Variants in TRAPPC6B observed in about 807,000 individuals in gnomAD.
TRAPPC6B encodes the protein TRAPP complex subunit 6B.
A neutral mutation model predicts 24.7 loss-of-function variants in TRAPPC6B; 27 were observed. The ratio of observed to expected loss-of-function variants is 1.09; its 90% confidence interval spans 0.81 to 1.51. The LOEUF is 1.51. TRAPPC6B is among the 40% of genes most tolerant of loss of function. The pLI is 0.00. For missense variants in TRAPPC6B, 212 were observed against 190.8 expected (o/e 1.11, Z -0.66); for synonymous variants, 80 against 66.6 (o/e 1.20, Z -0.98).
intron 1 of TRAPPC6B, among the ~76,000 whole-genome samples, chr14:39,161,832 C>CT (rs938131309): frequency 2.0e-5 from 3 of 152,188 alleles, no homozygotes; most frequent in Non-Finnish European, 2.9e-5. Flanking sequence ...TCACCAACCT[C>CT]TAGAAAGGCA....
intron 4 of TRAPPC6B, among the ~76,000 whole-genome samples, chr14:39,152,351 C>A (rs566563185): frequency 3.3e-5 from 5 of 152,134 alleles, no homozygotes; most frequent in Admixed American, 6.6e-5. Context: ...TAGCTTGCCA[C>A]AACAAAGAAT....
At position 39,150,174 on chromosome 14, in the gene TRAPPC6B, G is replaced by A. The variant is rs1848347728; in HGVS notation, c.*176C>T. 1.8e-6 allele frequency: 1 copy of A among 568,694 alleles called. No individual in the cohort carries two copies. Among genetic ancestry groups the A allele is most frequent in the Non-Finnish European group, 3.0e-6 (1 of 335,302 alleles). 35.2% of individuals were successfully genotyped at this position (568,694 alleles called of 1,614,324 possible). On this transcript the variant is annotated 3_prime_UTR_variant, in exon 6 of 6. Coordinates refer to ENST00000330149, the MANE Select transcript of TRAPPC6B (RefSeq NM_001079537.2). ...TTTCATTTTGAATAGTTTTGGTTAA[G>A]TGTATGTCATGGCAGAATGTCCCTT...
chr14:39,164,233 C>T (rs891381875), intron 1 of TRAPPC6B, among the ~76,000 whole-genome samples: 5 of 152,080 alleles, frequency 3.3e-5, no homozygotes, highest in Non-Finnish European at 5.9e-5. Context: ...TGATGGCTCA[C>T]GCCTCCTAGC....
In TRAPPC6B at chr14:39,170,171, C is replaced by G. The variant is rs1466024495; in HGVS notation, c.-76G>C. On this transcript the variant is annotated 5_prime_UTR_variant, in exon 1 of 6. Transcript: ENST00000330149. ...CTGGGGGTTCCAGCTCGCGCCTCAG[C>G]GACTTCGCCGGCGCCGCGGCTCCGT... The G allele has an allele frequency of 3.5e-5, 51 of 1,474,610 alleles. No individual in the cohort carries two copies. Among genetic ancestry groups the G allele is most frequent in the East Asian group, 2.3e-5 (1 of 44,052 alleles). The allele number at this position is 1,474,610 out of a possible 1,614,324, so 91.3% of individuals were successfully genotyped here.
At chr14:39,156,096 T>G (rs767595378) in intron 3 of TRAPPC6B, among the ~76,000 whole-genome samples, 38 of 152,290 alleles carry the variant, frequency 2.5e-4, no homozygotes, top group Non-Finnish European at 4.6e-4. Context: ...TCCAGCCAGC[T>G]GATATATATT....
intron 3 of TRAPPC6B, among the ~76,000 whole-genome samples, 194 bp from the exon 4 acceptor site, chr14:39,154,488 C>T (rs929562194): frequency 5.3e-5 from 8 of 152,146 alleles, no homozygotes; most frequent in African/African-American, 9.7e-5. Flanking sequence ...GGCACAATTA[C>T]GCCTCACTGC....
intron 1 of TRAPPC6B, among the ~76,000 whole-genome samples, chr14:39,161,470 T>C (rs2053058143): frequency 6.6e-6 from 1 of 152,240 alleles, no homozygotes; most frequent in Non-Finnish European, 1.5e-5. Context: ...ACAGTCACTT[T>C]TCACATTCAT....
intron 1 of TRAPPC6B, among the ~76,000 whole-genome samples, chr14:39,168,951 T>G (rs1463149673): frequency 6.6e-6 from 1 of 152,226 alleles, no homozygotes; most frequent in Non-Finnish European, 1.5e-5. Context: ...ATCCGAATTC[T>G]TTAATTACAC....
At chr14:39,151,394 A>AAC (rs1697257284) in intron 5 of TRAPPC6B, among the ~76,000 whole-genome samples, 1 of 145,178 alleles carries the variant, frequency 6.9e-6, no homozygotes, top group African/African-American at 2.8e-5. Context: ...CGTCTCAAAA[A>AAC]AAAAAAAAAA....
chr14:39,153,447 G>A (rs542250656), intron 4 of TRAPPC6B, among the ~76,000 whole-genome samples: 184 of 151,010 alleles, frequency 1.2e-3, no homozygotes, highest in African/African-American at 4.2e-3. Context: ...GGGCAACATC[G>A]TGGGATCCCA....
At chr14:39,160,191 T>C (rs999320154) in intron 1 of TRAPPC6B, among the ~76,000 whole-genome samples, 12 of 152,110 alleles carry the variant, frequency 7.9e-5, no homozygotes, top group African/African-American at 2.7e-4. Flanking sequence ...CCCAGGATAG[T>C]AACCAGATGT....
intron 3 of TRAPPC6B, among the ~76,000 whole-genome samples, chr14:39,156,183 T>C (rs2052976507): frequency 6.6e-6 from 1 of 152,112 alleles, no homozygotes; most frequent in Non-Finnish European, 1.5e-5. Context: ...CAAGCTAAAG[T>C]TGGTACAAAA....
At chr14:39,158,800 C>T (rs1003000305) in intron 2 of TRAPPC6B, 1 of 157,880 alleles carries the variant, frequency 6.3e-6, no homozygotes, top group African/African-American at 2.4e-5. Context: ...GGATTACAGG[C>T]ATGAGCCACC....
At chr14:39,168,042 C>A (rs1284721332) in intron 1 of TRAPPC6B, among the ~76,000 whole-genome samples, 1 of 151,912 alleles carries the variant, frequency 6.6e-6, no homozygotes, top group African/African-American at 2.4e-5. Context: ...GGTGAAACTC[C>A]GTCTCTACTA....
rs2053156630 is a variant in TRAPPC6B, at chr14:39,170,331, T to A, written c.-236A>T. 7.5e-6 allele frequency: 4 copies of A among 532,964 alleles called. No homozygotes were observed. In the South Asian group the frequency reaches 9.7e-5, roughly 13 times the overall value. 33.0% of individuals were successfully genotyped at this position (532,964 alleles called of 1,614,324 possible). ...ACCAAATCCTAGGGCCGAACTAAAG[T>A]CTGACGGGAGCTCTAACCAAAGCCA... is the stretch of plus-strand genomic sequence containing the variant. On this transcript the variant is annotated 5_prime_UTR_variant, in exon 1 of 6. Transcript: ENST00000330149.
intron 3 of TRAPPC6B, among the ~76,000 whole-genome samples, chr14:39,155,671 G>A (rs562918653): frequency 9.5e-4 from 145 of 152,074 alleles, no homozygotes; most frequent in African/African-American, 3.0e-3. Flanking sequence ...TGAGTGGCTG[G>A]GACTATAAGC....
At position 39,162,343 on chromosome 14, in the gene TRAPPC6B, G is replaced by T. The variant is rs183404135; in HGVS notation, c.82-2793C>A. On this transcript the variant is annotated intron_variant, in intron 1 of 5. Transcript: ENST00000330149. ...CTGGCTATTTTTTTTTTTTTTAAGA[G>T]ATGGGATCTCACTCTGTTACCCAGG... 2.9e-4 allele frequency among the ~76,000 whole-genome samples: 44 copies of T among 150,290 alleles called. No homozygotes were observed. The East Asian group carries it at 7.6e-3, about 26-fold the overall frequency.
chr14:39,168,553 T>A (rs933782360), intron 1 of TRAPPC6B, among the ~76,000 whole-genome samples: 47 of 152,128 alleles, frequency 3.1e-4, no homozygotes, highest in Non-Finnish European at 5.9e-5. Context: ...TTGGATGTCA[T>A]ACAGGCACCT....
In TRAPPC6B at chr14:39,149,785, A is replaced by C. The variant is rs2052892613; in HGVS notation, c.*565T>G. 6.6e-6 allele frequency: 1 copy of C among 152,148 alleles called. No individual in the cohort carries two copies. The allele number at this position is 152,148 out of a possible 1,614,324, so 9.4% of individuals were successfully genotyped here. A position where few individuals can be genotyped will look rare whatever the true frequency, so the allele number is the denominator to read the frequency against. On this transcript the variant is annotated 3_prime_UTR_variant, in exon 6 of 6. Coordinates refer to ENST00000330149, the MANE Select transcript of TRAPPC6B (RefSeq NM_001079537.2). ...ATTAATGGAGCTCTGAAGGAATGAA[A>C]CCTATTAAAGAAAAATTAAATTTAT...
Sources: gnomAD v4.1 joint callset for allele counts (sites outside exome capture counted in the v4.1 genomes callset) on GRCh38, gnomAD v4.1.1 for gene constraint, MANE v1.5 for transcripts, NCBI Gene and HGNC (gene_info 2026-07-23, HGNC 2026-07-21) for gene names.